The following MEGF9 variants were observed in gnomAD, a reference collection of about 807,000 sequenced individuals.
MEGF9 encodes the protein multiple EGF like domains 9.
Under a neutral mutation model 46.8 loss-of-function variants are expected in MEGF9, and 6 were observed. The ratio of observed to expected loss-of-function variants is 0.13; its 90% CI spans 0.07 to 0.25. MEGF9 has a LOEUF of 0.25. Among genes scored for constraint, MEGF9 ranks in the 10% least tolerant of loss-of-function variants. The pLI is 1.00. For missense variants in MEGF9, 683 were observed against 792.4 expected, an observed-to-expected ratio of 0.86 and a Z score of 1.66; for synonymous variants, 302 against 330.7, an observed-to-expected ratio of 0.91 and a Z score of 0.94.
At chr9:120,711,770 T>C (rs1401025853) in intron 1 of MEGF9, among the ~76,000 whole-genome samples, 2 of 152,034 alleles carry the variant, frequency 1.3e-5, no homozygotes, top group Non-Finnish European at 2.9e-5. Flanking sequence ...TTTTCTATTA[T>C]ATTTTACTAA....
chr9:120,605,760 T>C lies in MEGF9; in HGVS notation c.1358-119A>G, dbSNP rs557162366. 1 of 740,486 alleles carries C rather than the reference T, an allele frequency of 1.4e-6. No homozygotes were observed. The highest frequency in any genetic ancestry group is 1.9e-5 in the South Asian group (1 of 52,080). The allele number at this position is 740,486 out of a possible 1,614,324, so 45.9% of individuals were successfully genotyped here. A position where few individuals can be genotyped will look rare whatever the true frequency, so the allele number is the denominator to read the frequency against. On this transcript the variant is annotated intron_variant, in intron 5 of 5. Transcript: ENST00000373930. The surrounding 1 kb of genome is among the most constrained non-coding windows in gnomAD (Gnocchi z 4.0). ...TAGGATGTTAACATGATATTCTGCT[T>C]TAAGGTAATGCAAGTTAAAAATAAT...
chr9:120,684,679 C>T (rs141103255), intron 1 of MEGF9, among the ~76,000 whole-genome samples: 1,622 of 152,312 alleles, frequency 0.011, 30 homozygotes, highest in African/African-American at 0.034. Flanking sequence ...AATCCCTCTT[C>T]CAACACCACT....
At chr9:120,706,310 T>A (rs1234599714) in intron 1 of MEGF9, among the ~76,000 whole-genome samples, 1 of 152,112 alleles carries the variant, frequency 6.6e-6, no homozygotes, top group Non-Finnish European at 1.5e-5. Flanking sequence ...ATACAGAAGA[T>A]TTGAAACTAA....
chr9:120,703,729 T>C (rs1588001276), intron 1 of MEGF9, among the ~76,000 whole-genome samples: 1 of 152,104 alleles, frequency 6.6e-6, no homozygotes, highest in African/African-American at 2.4e-5. Context: ...TCCCAGCACT[T>C]TGGGAGGCTG....
At chr9:120,611,869 G>GGA (rs2043448579) in intron 4 of MEGF9, among the ~76,000 whole-genome samples, 3 of 136,014 alleles carry the variant, frequency 2.2e-5, no homozygotes, top group African/African-American at 9.8e-5. Flanking sequence ...GGAAGAAAGA[G>GGA]AGAGAGAGAG....
chr9:120,667,276 C>T (rs1217429111), intron 1 of MEGF9, among the ~76,000 whole-genome samples: 1 of 152,138 alleles, frequency 6.6e-6, no homozygotes, highest in Admixed American at 6.5e-5. Flanking sequence ...AATGCTTCAG[C>T]TGATTATTGC....
At chr9:120,623,530 T>G (rs943506404) in intron 2 of MEGF9, among the ~76,000 whole-genome samples, 16 of 152,348 alleles carry the variant, frequency 1.1e-4, no homozygotes, top group African/African-American at 4.8e-5. Context: ...AAATAAAATT[T>G]GTACTGATCA....
At chr9:120,662,060 G>T (rs1318429413) in intron 1 of MEGF9, among the ~76,000 whole-genome samples, 1 of 152,114 alleles carries the variant, frequency 6.6e-6, no homozygotes, top group African/African-American at 2.4e-5. Flanking sequence ...CCTTACTAAT[G>T]TATTTCCATC....
intron 2 of MEGF9, 124 bp downstream of exon 2, chr9:120,659,250 A>C (rs903135745): frequency 1.2e-5 from 7 of 607,586 alleles, no homozygotes; most frequent in Admixed American, 6.9e-5. Flanking sequence ...AGTATATAAA[A>C]TATTTTGTAA....
chr9:120,676,212 C>T (rs2043772631), intron 1 of MEGF9, among the ~76,000 whole-genome samples: 1 of 152,202 alleles, frequency 6.6e-6, no homozygotes, highest in African/African-American at 2.4e-5. Context: ...AGACAGATCA[C>T]TTGAGTCCAC....
intron 2 of MEGF9, among the ~76,000 whole-genome samples, chr9:120,629,403 G>C (rs1036991396): frequency 1.3e-5 from 2 of 152,142 alleles, no homozygotes; most frequent in African/African-American, 4.8e-5. Context: ...ACTTTGACAG[G>C]CCAAGGAAGG....
In MEGF9 at chr9:120,634,748, G is replaced by A. The variant is rs181745506; in HGVS notation, c.804-11993C>T. Among the ~76,000 whole-genome samples the A allele has an allele frequency of 7.5e-4, 114 of 152,174 alleles. 2 individuals carry two copies. Among genetic ancestry groups the A allele is most frequent in the Admixed American group, 1.4e-3 (21 of 15,292 alleles). On this transcript the variant is annotated intron_variant, in intron 2 of 5. Transcript: ENST00000373930. ...CTCAAGGTTATTACTGATAGGTAAG[G>A]ACTTACTGCTGACATTTTGTTAATT...
At chr9:120,694,206 C>T (rs900844038) in intron 1 of MEGF9, among the ~76,000 whole-genome samples, 1 of 152,148 alleles carries the variant, frequency 6.6e-6, no homozygotes, top group Non-Finnish European at 1.5e-5. Context: ...ATTTTGCCAT[C>T]CTAGAAAGAG....
chr9:120,700,844 G>A (rs1224640091), intron 1 of MEGF9, among the ~76,000 whole-genome samples: 1 of 152,050 alleles, frequency 6.6e-6, no homozygotes, highest in African/African-American at 2.4e-5. Flanking sequence ...CACTTGGGAG[G>A]CTGAGGTGGG....
Position 120,659,560 on chromosome 9 carries a change from C to A in MEGF9, c.617G>T (p.Cys206Phe). 6.2e-7 allele frequency: 1 copy of A among 1,611,620 alleles called. No individual in the cohort carries two copies. The highest frequency in any genetic ancestry group is 1.3e-5 in the African/African-American group (1 of 74,956). The change falls in exon 2 of 6, where the codon TGC becomes TTC. Residue 206 changes from cysteine (C) to phenylalanine (F), a missense_variant. Cys to Phe is a radical substitution (Grantham distance 205). Around this residue, in one of 2 missense-constraint regions of MEGF9, gnomAD observed 370 missense variants for 371.3 expected, o/e 1.00. Coordinates refer to ENST00000373930, the MANE Select transcript of MEGF9 (RefSeq NM_001080497.3). ...CACATTCAGGCTTCCAACCACAGAG[C>A]AGTTACATACATACTCTGCAAAGGA... ...SSPPPEYVCN[C>F]SVVGSLNVNR...
intron 2 of MEGF9, among the ~76,000 whole-genome samples, chr9:120,654,052 C>G (rs1441103033): frequency 6.6e-6 from 1 of 152,172 alleles, no homozygotes; most frequent in Non-Finnish European, 1.5e-5. Context: ...CTGGGAAGAA[C>G]ACTCTGAGAG....
At chr9:120,689,927 C>T (rs1448898098) in intron 1 of MEGF9, 2 of 530,888 alleles carry the variant, frequency 3.8e-6, no homozygotes, top group East Asian at 5.5e-5. Flanking sequence ...TTTTTCTACC[C>T]GTTTTAACAG....
At chr9:120,645,386 G>A (rs941930074) in intron 2 of MEGF9, among the ~76,000 whole-genome samples, 7 of 152,178 alleles carry the variant, frequency 4.6e-5, no homozygotes, top group Non-Finnish European at 4.4e-5. Flanking sequence ...AATCACTGCT[G>A]CCTCTGCAAG....
chr9:120,614,949 A>G (rs147931094), intron 3 of MEGF9, among the ~76,000 whole-genome samples: 1,697 of 152,066 alleles, frequency 0.011, 33 homozygotes, highest in African/African-American at 0.036. Context: ...ATATATGTAT[A>G]TATGTATATG....
Sources: gnomAD v4.1 joint callset for allele counts (sites outside exome capture counted in the v4.1 genomes callset) on GRCh38, gnomAD v4.1.1 for gene constraint, gnomAD v4.1.1 regional missense constraint, Gnocchi (gnomAD v3.1) non-coding constraint, MANE v1.5 for transcripts, NCBI Gene and HGNC (gene_info 2026-07-23, HGNC 2026-07-21) for gene names.